AKAP6: variants seen among roughly 807,000 people sequenced by gnomAD.
AKAP6 encodes the protein A-kinase anchoring protein 6, also known as A-kinase anchor protein 6.
In AKAP6, 58 loss-of-function variants were observed where a neutral mutation model predicts 188.5. The ratio of observed to expected loss-of-function variants is 0.31; its 90% confidence interval spans 0.25 to 0.38. AKAP6 has a LOEUF of 0.38. AKAP6 is among the 10% of genes least tolerant of loss of function. The pLI, the probability that AKAP6 is intolerant of heterozygous loss-of-function variation, is 1.00. For missense variants in AKAP6, 2,710 were observed against 2,740.0 expected (o/e 0.99, Z 0.24); for synonymous variants, 989 against 998.6 (o/e 0.99, Z 0.18).
chr14:32,463,664 A>G (rs540885394), intron 2 of AKAP6, among the ~76,000 whole-genome samples: 10 of 152,206 alleles, frequency 6.6e-5, no homozygotes, highest in African/African-American at 2.4e-4. Flanking sequence ...ATCTAAAATC[A>G]ACACCCTAAC....
chr14:32,543,262 T>C (rs1883044171), intron 3 of AKAP6, among the ~76,000 whole-genome samples: 1 of 152,242 alleles, frequency 6.6e-6, no homozygotes, highest in African/African-American at 2.4e-5. Context: ...AGTTCAACTT[T>C]TTTAGCTTCC....
intron 7 of AKAP6, among the ~76,000 whole-genome samples, chr14:32,609,575 A>G (rs1250906312): frequency 6.6e-6 from 1 of 152,048 alleles, no homozygotes; most frequent in Non-Finnish European, 1.5e-5. Context: ...AGAGGCCAAC[A>G]CTTGTTTAGC....
chr14:32,658,494 C>T (rs1386846169), intron 7 of AKAP6, among the ~76,000 whole-genome samples: 1 of 151,966 alleles, frequency 6.6e-6, no homozygotes, highest in Non-Finnish European at 1.5e-5. Flanking sequence ...GCATGAAGAT[C>T]AGATTTTTTA....
At chr14:32,464,304 C>T (rs1293509379) in intron 2 of AKAP6, among the ~76,000 whole-genome samples, 1 of 152,188 alleles carries the variant, frequency 6.6e-6, no homozygotes, top group Admixed American at 6.5e-5. Flanking sequence ...AAGAGAATTT[C>T]AGGCCAATAA....
At chr14:32,744,284 T>C (rs1034816453) in intron 11 of AKAP6, among the ~76,000 whole-genome samples, 2 of 151,956 alleles carry the variant, frequency 1.3e-5, no homozygotes, top group African/African-American at 4.8e-5. Context: ...TGCTTGGTGT[T>C]ATATTCTGTT....
intron 7 of AKAP6, among the ~76,000 whole-genome samples, chr14:32,637,988 T>C (rs1887583828): frequency 1.3e-5 from 2 of 152,044 alleles, no homozygotes; most frequent in African/African-American, 4.8e-5. Flanking sequence ...ATGAATCCAG[T>C]AGTGAGTCAC....
At chr14:32,454,733 TTCCCTCCC>T (rs1566512266) in intron 2 of AKAP6, among the ~76,000 whole-genome samples, 38 of 11,610 alleles carry the variant, frequency 3.3e-3, no homozygotes, top group Admixed American at 7.8e-3. Context: ...CCTTCCCTCC[TTCCCTCCC>T]TCCCTCCTTC....
chr14:32,835,867 A>G lies in AKAP6; in HGVS notation c.*6062A>G, dbSNP rs1216133846. Reference sequence around the variant, plus strand: ...TTTTAAAAGCAGCCACATACCTTCTATATAACAATGGCCCTTTAGTTTGAG... The same window carrying G: ...TTTTAAAAGCAGCCACATACCTTCTGTATAACAATGGCCCTTTAGTTTGAG... On this transcript the variant is annotated 3_prime_UTR_variant, in exon 14 of 14. Coordinates refer to ENST00000280979, the MANE Select transcript of AKAP6 (RefSeq NM_004274.5). The G allele has an allele frequency of 6.6e-6, 1 of 152,236 alleles. No individual in the cohort carries two copies. The highest frequency in any genetic ancestry group is 2.4e-5 in the African/African-American group (1 of 41,464). 9.4% of individuals were successfully genotyped at this position (152,236 alleles called of 1,614,324 possible). A position where few individuals can be genotyped will look rare whatever the true frequency, so the allele number is the denominator to read the frequency against.
intron 9 of AKAP6, among the ~76,000 whole-genome samples, chr14:32,728,380 A>ATCTG (rs1348666715): frequency 1.3e-5 from 2 of 151,540 alleles, no homozygotes; most frequent in Non-Finnish European, 2.9e-5. Flanking sequence ...CTATCTATCT[A>ATCTG]TCTATCTATC....
intron 2 of AKAP6, among the ~76,000 whole-genome samples, chr14:32,482,075 T>C (rs1879380832): frequency 6.6e-6 from 1 of 152,138 alleles, no homozygotes; most frequent in African/African-American, 2.4e-5. Flanking sequence ...AGCACAACTT[T>C]CCTCAGCCCT....
intron 2 of AKAP6, among the ~76,000 whole-genome samples, chr14:32,524,240 T>G (rs538868909): frequency 6.6e-6 from 1 of 152,214 alleles, no homozygotes; most frequent in Admixed American, 6.5e-5. Context: ...CAGGTACTCT[T>G]GTGCGGGAAT....
intron 11 of AKAP6, among the ~76,000 whole-genome samples, chr14:32,765,336 T>C (rs2032679548): frequency 6.6e-6 from 1 of 152,208 alleles, no homozygotes; most frequent in Non-Finnish European, 1.5e-5. Context: ...TGGTAAAGTA[T>C]GTGAAGCACA....
intron 1 of AKAP6, among the ~76,000 whole-genome samples, chr14:32,382,235 C>G (rs1164963165): frequency 6.6e-6 from 1 of 151,898 alleles, no homozygotes; most frequent in Non-Finnish European, 1.5e-5. Flanking sequence ...GGGAATTTGT[C>G]TCTGGAATTC....
At chr14:32,748,314 T>C (rs2031992308) in intron 11 of AKAP6, among the ~76,000 whole-genome samples, 1 of 152,194 alleles carries the variant, frequency 6.6e-6, no homozygotes, top group Non-Finnish European at 1.5e-5. Context: ...ATCATCTTCC[T>C]GAAAGCTCCA....
chr14:32,691,292 A>C (rs1299496860), intron 8 of AKAP6, among the ~76,000 whole-genome samples: 3 of 152,160 alleles, frequency 2.0e-5, no homozygotes, highest in African/African-American at 7.2e-5. Flanking sequence ...GGAATATAGA[A>C]CTGTTAACTA....
intron 1 of AKAP6, among the ~76,000 whole-genome samples, chr14:32,334,681 C>T (rs1886634270): frequency 6.6e-6 from 1 of 152,074 alleles, no homozygotes; most frequent in African/African-American, 2.4e-5. Context: ...GAACATATTC[C>T]CTGATAATGA....
intron 1 of AKAP6, among the ~76,000 whole-genome samples, chr14:32,388,619 T>G (rs1957646): frequency 0.7 from 105,749 of 151,926 alleles, 38,008 homozygotes; most frequent in Non-Finnish European, 0.78. Context: ...CAATGATCAC[T>G]CAGGAGCAGG....
At chr14:32,589,681 A>G (rs1004361976) in intron 5 of AKAP6, among the ~76,000 whole-genome samples, 1 of 152,168 alleles carries the variant, frequency 6.6e-6, no homozygotes, top group Non-Finnish European at 1.5e-5. Flanking sequence ...TATTGTTTTG[A>G]AAATTGTTAG....
intron 2 of AKAP6, among the ~76,000 whole-genome samples, chr14:32,501,873 C>G (rs1258177129): frequency 6.6e-6 from 1 of 152,128 alleles, no homozygotes; most frequent in African/African-American, 2.4e-5. Flanking sequence ...CACATTGGCT[C>G]TCCTAGGCTG....
Sources: gnomAD v4.1 joint callset for allele counts (sites outside exome capture counted in the v4.1 genomes callset) on GRCh38, gnomAD v4.1.1 for gene constraint, MANE v1.5 for transcripts, NCBI Gene and HGNC (gene_info 2026-07-23, HGNC 2026-07-21) for gene names.